The following VAC14 variants were observed in gnomAD, a reference collection of about 807,000 sequenced individuals.
VAC14 encodes the protein protein VAC14 homolog.
A neutral mutation model predicts 85.3 loss-of-function variants in VAC14; 47 were observed. The ratio of observed to expected loss-of-function variants is 0.55; its 90% CI spans 0.44 to 0.70. The LOEUF (loss-of-function observed/expected upper bound fraction) is 0.70, where lower values mean the gene tolerates loss of function less well. Among genes scored for constraint, VAC14 ranks in the 30% least tolerant of loss-of-function variants. The pLI, the probability that VAC14 is intolerant of heterozygous loss-of-function variation, is 0.00. For synonymous variants in VAC14, 447 were observed against 430.5 expected, an observed-to-expected ratio of 1.04 and a Z score of -0.47; for missense variants, 861 against 1,004.3, an observed-to-expected ratio of 0.86 and a Z score of 1.93.
chr16:70,799,037 A>G (rs1454843039), intron 1 of VAC14, among the ~76,000 whole-genome samples: 1 of 152,258 alleles, frequency 6.6e-6, no homozygotes, highest in East Asian at 1.9e-4. Context: ...AAACCCTTAC[A>G]GAACTGTGTG....
At chr16:70,752,206 G>A (rs1412613803) in intron 12 of VAC14, among the ~76,000 whole-genome samples, 1 of 152,208 alleles carries the variant, frequency 6.6e-6, no homozygotes, top group Non-Finnish European at 1.5e-5. Context: ...TGCCACATAT[G>A]CCAGAGGCCA....
At chr16:70,746,721 T>C (rs1454952621) in intron 12 of VAC14, among the ~76,000 whole-genome samples, 1 of 152,090 alleles carries the variant, frequency 6.6e-6, no homozygotes, top group East Asian at 1.9e-4. Flanking sequence ...GATGGGGAAG[T>C]GGCACAGCAA....
chr16:70,788,092 G>A (rs537664880), intron 1 of VAC14, among the ~76,000 whole-genome samples: 12 of 152,368 alleles, frequency 7.9e-5, no homozygotes, highest in Admixed American at 7.8e-4. Flanking sequence ...GGGGTCTCAA[G>A]TTGACTTGAA....
rs578004803 is a variant in VAC14, at chr16:70,687,861, G to C, written c.*67C>G. Reference sequence around the variant, plus strand: ...TGACAGGCAGGTCCTTGAGCTCCTCGGGAGGGCGTGACGACCCTTAGTGTT... The same window carrying C: ...TGACAGGCAGGTCCTTGAGCTCCTCCGGAGGGCGTGACGACCCTTAGTGTT... On this transcript the variant is annotated 3_prime_UTR_variant, in exon 19 of 19. Coordinates refer to ENST00000261776, the MANE Select transcript of VAC14 (RefSeq NM_018052.5). The C allele has an allele frequency of 2.0e-5, 27 of 1,374,784 alleles. No individual in the cohort carries two copies. The highest frequency in any genetic ancestry group is 4.5e-5 in the African/African-American group (3 of 67,010). 85.2% of individuals were successfully genotyped at this position (1,374,784 alleles called of 1,614,324 possible).
rs539266175 is a variant in VAC14 at position 70,711,504 on chromosome 16, C to T, written c.1662-12693G>A. ...CTGCTGGTCTCTACCTTCACGGTCC[C>T]GAGCCTGCTGTGCACAGCCCTGGCC... On this transcript the variant is annotated intron_variant, in intron 14 of 18. Coordinates refer to ENST00000261776, the MANE Select transcript of VAC14 (RefSeq NM_018052.5). Among the ~76,000 whole-genome samples the T allele has an allele frequency of 2.6e-5, 4 of 152,094 alleles. No individual in the cohort carries two copies. In the East Asian group the frequency reaches 7.8e-4, roughly 30 times the overall value.
At position 70,755,430 on chromosome 16, in the gene VAC14, G is replaced by A. The variant is rs561050902; in HGVS notation, c.1371+7110C>T. ...TAAGGCAGTGCCTCCACCCTGGGCC[G>A]GGTCCCTGCTCTGCAGTGAGGTGAC... is the stretch of plus-strand genomic sequence containing the variant. On this transcript the variant is annotated intron_variant, in intron 12 of 18. Coordinates refer to ENST00000261776, the MANE Select transcript of VAC14 (RefSeq NM_018052.5). Among the ~76,000 whole-genome samples the A allele has an allele frequency of 8.5e-4, 129 of 152,364 alleles. No homozygotes were observed. In the South Asian group the frequency reaches 0.024, roughly 28 times the overall value.
At chr16:70,688,172 C>T (rs2053534329) in intron 18 of VAC14, 82 bp from the exon 19 acceptor site, 10 of 1,385,128 alleles carry the variant, frequency 7.2e-6, no homozygotes, top group South Asian at 1.9e-5. Flanking sequence ...GGGTCAGAGG[C>T]AGAGCCACAG....
intron 1 of VAC14, among the ~76,000 whole-genome samples, chr16:70,795,759 T>G (rs1309173490): frequency 6.6e-6 from 1 of 152,148 alleles, no homozygotes; most frequent in Non-Finnish European, 1.5e-5. Context: ...GAGAGTTACA[T>G]TTGCTGGCTT....
chr16:70,709,187 A>G (rs921072979), intron 14 of VAC14, among the ~76,000 whole-genome samples: 2 of 152,206 alleles, frequency 1.3e-5, no homozygotes, highest in Non-Finnish European at 2.9e-5. Flanking sequence ...TCTAGCAGAG[A>G]ATGCCATGTG....
At chr16:70,786,755 G>A (rs892953985) in intron 1 of VAC14, among the ~76,000 whole-genome samples, 1 of 152,186 alleles carries the variant, frequency 6.6e-6, no homozygotes, top group Non-Finnish European at 1.5e-5. Flanking sequence ...TTCCAGGGAC[G>A]TTGCTGGGAC....
At chr16:70,719,986 C>T (rs915475482) in intron 14 of VAC14, among the ~76,000 whole-genome samples, 6 of 152,182 alleles carry the variant, frequency 3.9e-5, no homozygotes, top group African/African-American at 1.2e-4. Flanking sequence ...ATCACGGTAT[C>T]GTCATACAGA....
intron 3 of VAC14, 62 bp from the exon 4 acceptor site, chr16:70,784,900 AG>A (rs1294147473): frequency 6.8e-7 from 1 of 1,479,172 alleles, no homozygotes; most frequent in East Asian, 2.3e-5. Flanking sequence ...ATGCAAGACC[AG>A]GGATTTCCTG....
intron 13 of VAC14, among the ~76,000 whole-genome samples, chr16:70,733,976 C>G (rs1204828717): frequency 6.6e-6 from 1 of 151,918 alleles, no homozygotes; most frequent in South Asian, 2.1e-4. Context: ...GCGTGTGCCA[C>G]CAGACCTGAC....
intron 3 of VAC14, among the ~76,000 whole-genome samples, chr16:70,785,063 G>A (rs2033984818): frequency 6.6e-6 from 1 of 152,248 alleles, no homozygotes; most frequent in African/African-American, 2.4e-5. Context: ...TCTGTTCAGG[G>A]ACTTCTCCCA....
intron 9 of VAC14, among the ~76,000 whole-genome samples, chr16:70,780,429 T>G (rs2143236281): frequency 6.6e-6 from 1 of 152,046 alleles, no homozygotes; most frequent in Non-Finnish European, 1.5e-5. Flanking sequence ...CTCCAAACCT[T>G]CCTGCCCTGA....
intron 13 of VAC14, among the ~76,000 whole-genome samples, chr16:70,740,255 C>T (rs776613446): frequency 6.6e-6 from 1 of 152,214 alleles, no homozygotes; most frequent in Non-Finnish European, 1.5e-5. Flanking sequence ...GCCAACGTGG[C>T]TTACGACATG....
chr16:70,771,231 G>A (rs554750222), intron 10 of VAC14: 2 of 152,376 alleles, frequency 1.3e-5, no homozygotes, highest in Admixed American at 6.5e-5. Context: ...CCCCAAGGAA[G>A]AGAATTATTT....
chr16:70,722,083 A>G (rs976313378), intron 14 of VAC14, among the ~76,000 whole-genome samples: 2 of 152,182 alleles, frequency 1.3e-5, no homozygotes, highest in African/African-American at 4.8e-5. Flanking sequence ...CCTTTAAAAG[A>G]TGGAACAATG....
At chr16:70,772,292 C>T (rs1414386578) in intron 9 of VAC14, 120 bp from the exon 10 acceptor site, 3 of 820,344 alleles carry the variant, frequency 3.7e-6, no homozygotes, top group Non-Finnish European at 6.0e-6. Flanking sequence ...TCAGGCTCTT[C>T]AAAAGGACCA....
Sources: allele counts gnomAD v4.1 joint callset (sites outside exome capture counted in the v4.1 genomes callset), GRCh38; gene constraint gnomAD v4.1.1; transcripts MANE v1.5; gene names NCBI Gene and HGNC (gene_info 2026-07-23, HGNC 2026-07-21).